The following RAP1GAP variants were observed in gnomAD, a reference collection of about 807,000 sequenced individuals.
RAP1GAP encodes RAP1 GTPase activating protein.
RAP1GAP carries 35 observed loss-of-function variants against 87.2 expected under a neutral mutation model. That is an observed-to-expected ratio of 0.40 (90% CI 0.31 to 0.53). RAP1GAP has a LOEUF of 0.53. RAP1GAP is among the 20% of genes least tolerant of loss of function. RAP1GAP has a pLI of 0.48. For missense variants in RAP1GAP, 734 were observed against 898.9 expected (o/e 0.82, Z 2.35); for synonymous variants, 375 against 363.9 (o/e 1.03, Z -0.35).
At chr1:21,637,145 CT>C (rs869047762) in intron 2 of RAP1GAP, among the ~76,000 whole-genome samples, 6,018 of 128,416 alleles carry the variant, frequency 0.047, 99 homozygotes, top group African/African-American at 0.053. Context: ...TCTTTTTTTT[CT>C]TTTTTTTTTT....
At chr1:21,636,190 C>T (rs910854446) in intron 2 of RAP1GAP, among the ~76,000 whole-genome samples, 8 of 152,226 alleles carry the variant, frequency 5.3e-5, no homozygotes, top group East Asian at 3.9e-4. Flanking sequence ...GGCAGTGTAG[C>T]GTCAGTGTGG....
At chr1:21,618,080 C>A in intron 5 of RAP1GAP, 108 bp from the exon 6 acceptor site, 2 of 1,298,030 alleles carry the variant, frequency 1.5e-6, no homozygotes, top group Non-Finnish European at 2.2e-6. Flanking sequence ...GGATGGGGCC[C>A]TGGCCTCATC....
intron 18 of RAP1GAP, among the ~76,000 whole-genome samples, 163 bp downstream of exon 18, chr1:21,605,903 C>T (rs1198904276): frequency 6.6e-6 from 1 of 152,208 alleles, no homozygotes; most frequent in African/African-American, 2.4e-5. Context: ...GGGCACTTCA[C>T]CCCCCTCCCA....
chr1:21,611,830 G>T lies in RAP1GAP; in HGVS notation c.613-14C>A. 6.3e-7 allele frequency: 1 copy of T among 1,596,256 alleles called. No homozygotes were observed. Among genetic ancestry groups the T allele is most frequent in the Non-Finnish European group, 8.6e-7 (1 of 1,163,808 alleles). ...TTCCTCGGAGGTCTGGGGATGAGGG[G>T]CCAAGGTCATTGAGCTGGAGTTCCT... On this transcript the variant is annotated splice_polypyrimidine_tract_variant and intron_variant, in intron 11 of 24. Transcript: ENST00000374765.
chr1:21,605,932 C>T (rs1201387476), intron 18 of RAP1GAP, 134 bp downstream of exon 18: 1 of 1,196,618 alleles, frequency 8.4e-7, no homozygotes, highest in Non-Finnish European at 1.2e-6. Context: ...AGTGGCTAGA[C>T]CAAATCCAGA....
intron 2 of RAP1GAP, among the ~76,000 whole-genome samples, chr1:21,629,964 G>A (rs561111604): frequency 2.0e-5 from 3 of 152,324 alleles, no homozygotes; most frequent in African/African-American, 4.8e-5. Flanking sequence ...TCAGGAACAC[G>A]ATCCAGCACC....
At chr1:21,627,729 A>G (rs2092686757) in intron 2 of RAP1GAP, among the ~76,000 whole-genome samples, 1 of 152,034 alleles carries the variant, frequency 6.6e-6, no homozygotes, top group African/African-American at 2.4e-5. Flanking sequence ...CCTCCCTTCT[A>G]ATTCCACTCA....
intron 18 of RAP1GAP, chr1:21,604,053 G>T: frequency 1.5e-6 from 1 of 683,856 alleles, no homozygotes; most frequent in Non-Finnish European, 2.4e-6. Context: ...AGAGAACGGT[G>T]CAGGAGGCAA....
rs939921429 is a variant in RAP1GAP at position 21,669,293 on chromosome 1, T to G, written c.-188A>C. On this transcript the variant is annotated 5_prime_UTR_variant, in exon 1 of 25. Transcript: ENST00000374765. The surrounding 1 kb of genome is among the most constrained non-coding windows in gnomAD (Gnocchi z 5.6). ...CGGGGGCGTCCTGGGCTCGGCACTC[T>G]GGTGCCCGCGGCCGCCGCTGCAGCT... The G allele has an allele frequency of 8.5e-7, 1 of 1,180,400 alleles. No homozygotes were observed. The highest frequency in any genetic ancestry group is 1.1e-6 in the Non-Finnish European group (1 of 946,506). The allele number at this position is 1,180,400 out of a possible 1,614,324, so 73.1% of individuals were successfully genotyped here.
intron 2 of RAP1GAP, among the ~76,000 whole-genome samples, chr1:21,635,165 C>T (rs1300611860): frequency 1.3e-5 from 2 of 152,170 alleles, no homozygotes; most frequent in Non-Finnish European, 2.9e-5. Context: ...GGACACAGCT[C>T]CCACTGATGG....
At chr1:21,606,830 C>A (rs2074978048) in intron 17 of RAP1GAP, among the ~76,000 whole-genome samples, 1 of 152,238 alleles carries the variant, frequency 6.6e-6, no homozygotes, top group Non-Finnish European at 1.5e-5. Context: ...TGCCAGGACC[C>A]ATGCCCTCAA....
rs369026019 is a variant in RAP1GAP at position 21,608,336 on chromosome 1, G to A, written c.1173C>T (p.Ala391=). ...CCTCATAGAGCGTCTCCAGGAGGGC[G>A]GCCCGCGTCCGCTCCTGTGGGCCAG... ...KFAKLEERTR[A]ALLETLYEEL... The change falls in exon 17 of 25, where the codon GCC becomes GCT. Residue 391 remains alanine, a synonymous_variant. Transcript: ENST00000374765. 3.1e-6 allele frequency: 5 copies of A among 1,613,040 alleles called. No homozygotes were observed. The African/African-American group carries it at 4.0e-5, about 13-fold the overall frequency.
chr1:21,664,632 T>C (rs2097277649), intron 1 of RAP1GAP, among the ~76,000 whole-genome samples: 1 of 152,198 alleles, frequency 6.6e-6, no homozygotes, highest in South Asian at 2.1e-4. Flanking sequence ...AGGCAAGGAC[T>C]CCTCAAGGAG....
At position 21,613,382 on chromosome 1, in the gene RAP1GAP, C is replaced by G. The variant is rs1235111671; in HGVS notation, c.475-153G>C. On this transcript the variant is annotated intron_variant, in intron 9 of 24. Transcript: ENST00000374765. This position sits in a 1 kb window ranked among gnomAD's most constrained non-coding sequence, Gnocchi z 4.7. ...TCGGGGTTCACTGTTGCTCAGGGAA[C>G]GGAGGTCCCCTGAGATCTGAAGGTG... is the stretch of plus-strand genomic sequence containing the variant. 6.6e-6 allele frequency among the ~76,000 whole-genome samples: 1 copy of G among 152,032 alleles called. No individual in the cohort carries two copies. Among genetic ancestry groups the G allele is most frequent in the Non-Finnish European group, 1.5e-5 (1 of 68,018 alleles).
chr1:21,653,345 C>T (rs2096705735), intron 1 of RAP1GAP: 1 of 152,280 alleles, frequency 6.6e-6, no homozygotes, highest in Non-Finnish European at 1.5e-5. Context: ...ACATTATTTC[C>T]TCATTCCTAG....
rs1399119413 is a variant in RAP1GAP, at chr1:21,634,528, T to G, written c.-112-8131A>C. Among the ~76,000 whole-genome samples, 1 of 152,092 alleles carries G rather than the reference T, an allele frequency of 6.6e-6. No individual in the cohort carries two copies. The highest frequency in any genetic ancestry group is 1.9e-4 in the East Asian group (1 of 5,182). On this transcript the variant is annotated intron_variant, in intron 2 of 24. Transcript: ENST00000374765. The surrounding 1 kb of genome is among the most constrained non-coding windows in gnomAD (Gnocchi z 4.1). The stretch of plus-strand genomic sequence containing the variant: ...AGTGACAGAGCTGGCAGGGTCCCCC[T>G]GGGGGTGTGGGTGGGAGACTCAGGC...
rs779874501 is a variant in RAP1GAP at position 21,610,177 on chromosome 1, C to A, written c.942G>T (p.Leu314=). ...CAGCCTGCACCACGACGTAGGCATG[C>A]AGGAAGTTGGACGCGATCATGTCGG... The part of the protein sequence containing the change: ...FVPDMIASNF[L]HAYVVVQAEG... Residue 314 remains leucine, a synonymous_variant, in exon 14 of 25, where the codon CTG becomes CTT. Coordinates refer to ENST00000374765, the MANE Select transcript of RAP1GAP (RefSeq NM_002885.4). The A allele has an allele frequency of 4.3e-6, 7 of 1,614,062 alleles. No individual in the cohort carries two copies. In the African/African-American group the frequency reaches 8.0e-5, roughly 18 times the overall value.
At chr1:21,614,365 C>G (rs571956265) in intron 7 of RAP1GAP, among the ~76,000 whole-genome samples, 9 of 152,204 alleles carry the variant, frequency 5.9e-5, no homozygotes, top group Admixed American at 2.6e-4. Context: ...GCAGCCAGGA[C>G]TGAAAGGGAT....
At chr1:21,631,286 C>T (rs185937323) in intron 2 of RAP1GAP, among the ~76,000 whole-genome samples, 25 of 152,360 alleles carry the variant, frequency 1.6e-4, no homozygotes, top group Middle Eastern at 3.4e-3. Flanking sequence ...ACATGGGGCG[C>T]TCTCCCCTCT....
Sources: gnomAD v4.1 joint callset for allele counts (sites outside exome capture counted in the v4.1 genomes callset) on GRCh38, gnomAD v4.1.1 for gene constraint, Gnocchi (gnomAD v3.1) non-coding constraint, MANE v1.5 for transcripts, NCBI Gene and HGNC (gene_info 2026-07-23, HGNC 2026-07-21) for gene names.